The following RUVBL1 variants were observed in gnomAD, a reference collection of about 807,000 sequenced individuals.
RUVBL1 encodes the protein ruvB-like 1.
Under a neutral mutation model 52.4 loss-of-function variants are expected in RUVBL1, and 4 were observed. The observed-to-expected ratio is 0.08, with a 90% CI of 0.04 to 0.17. RUVBL1 has a LOEUF of 0.17. Ranked by LOEUF, RUVBL1 falls within the 10% of genes least tolerant of loss-of-function variation. RUVBL1 has a pLI of 1.00. For synonymous variants in RUVBL1, 217 were observed against 214.4 expected, an observed-to-expected ratio of 1.01 and a Z score of -0.10; for missense variants, 298 against 572.8, an observed-to-expected ratio of 0.52 and a Z score of 4.90.
In RUVBL1 at chr3:128,095,957, A is replaced by G. The variant is rs146640633; in HGVS notation, c.1016+1343T>C. On this transcript the variant is annotated intron_variant, in intron 8 of 10. Transcript: ENST00000322623. Reference sequence around the variant, plus strand: ...ATAATAAAGCTTCTCTATTAAAAGCAAACTAAAATCTTAGATAGGGCCCAC... The same window carrying G: ...ATAATAAAGCTTCTCTATTAAAAGCGAACTAAAATCTTAGATAGGGCCCAC... 2.1e-3 allele frequency among the ~76,000 whole-genome samples: 318 copies of G among 152,278 alleles called. 1 individual carries two copies. The highest frequency in any genetic ancestry group is 2.8e-3 in the Non-Finnish European group (193 of 68,020).
In RUVBL1 at chr3:128,123,698, A is replaced by G; in HGVS notation, c.27T>C (p.Thr9=). The G allele has an allele frequency of 6.2e-7, 1 of 1,610,760 alleles. No individual in the cohort carries two copies. The highest frequency in any genetic ancestry group is 1.3e-5 in the African/African-American group (1 of 75,006). Residue 9 remains threonine (T), a synonymous_variant, in exon 1 of 11, where the codon ACT becomes ACC. Coordinates refer to ENST00000322623, the MANE Select transcript of RUVBL1 (RefSeq NM_003707.3). MKIEEVKS[T]TKTQRIASHS... is the part of the protein sequence containing the mutation. ...GGGAGGCGATGCGCTGCGTCTTCGT[A>G]GTGCTCTTCACCTCCTCAATCTTCA...
chr3:128,130,612 A>ATTT (rs1943860683), intron 1 of RUVBL1, among the ~76,000 whole-genome samples: 1 of 128,398 alleles, frequency 7.8e-6, no homozygotes, highest in Non-Finnish European at 1.6e-5. Context: ...AAAAAAAAAA[A>ATTT]AATTTTATTT....
chr3:128,105,859 CTTTTTCT>C (rs1231863657), intron 3 of RUVBL1, among the ~76,000 whole-genome samples: 1 of 138,134 alleles, frequency 7.2e-6, no homozygotes, highest in African/African-American at 2.7e-5. Flanking sequence ...CTTTCTTTCC[CTTTTTCT>C]TTTTTTTTTT....
At chr3:128,099,993 C>G (rs1171757683) in intron 6 of RUVBL1, among the ~76,000 whole-genome samples, 1 of 152,192 alleles carries the variant, frequency 6.6e-6, no homozygotes, top group African/African-American at 2.4e-5. Flanking sequence ...TCAGTAATCT[C>G]TTGACCAAAG....
intron 1 of RUVBL1, among the ~76,000 whole-genome samples, chr3:128,146,940 G>T (rs1340717987): frequency 1.3e-5 from 2 of 152,228 alleles, no homozygotes; most frequent in Non-Finnish European, 2.9e-5. Flanking sequence ...AGGAGATAAA[G>T]GCTCACTCCA....
chr3:128,067,576 A>G lies in RUVBL1; in HGVS notation c.940-2356T>C. ...TGGGCTCCTGTGCATTCTTCTCCAA[A>G]ACGTGGATTGAGGTCTCAGGTTCCT... On this transcript the variant is annotated intron_variant, in intron 9 of 9. Coordinates refer to the RUVBL1 transcript ENST00000464873. This position sits in a 1 kb window ranked among gnomAD's most constrained non-coding sequence, Gnocchi z 4.1. The G allele has an allele frequency of 3.1e-6, 5 of 1,611,666 alleles. No homozygotes were observed. Among genetic ancestry groups the G allele is most frequent in the Non-Finnish European group, 4.2e-6 (5 of 1,179,246 alleles).
At chr3:128,126,782 T>G (rs1442702566), upstream of RUVBL1, among the ~76,000 whole-genome samples, 1 of 152,200 alleles carries the variant, frequency 6.6e-6, no homozygotes, top group Non-Finnish European at 1.5e-5. Flanking sequence ...AAACAGCAAG[T>G]GAGGCCTGCT....
chr3:128,115,470 C>T (rs1301744898), intron 2 of RUVBL1, among the ~76,000 whole-genome samples: 1 of 152,228 alleles, frequency 6.6e-6, no homozygotes, highest in Admixed American at 6.5e-5. Context: ...AGCAGTATTT[C>T]TGCCTGTCAC....
chr3:128,136,623 CAAAA>C (rs56097921), intron 1 of RUVBL1, among the ~76,000 whole-genome samples: 1 of 112,208 alleles, frequency 8.9e-6, no homozygotes. Flanking sequence ...GAGACCCTGT[CAAAA>C]AAAAAAAAAA....
intron 8 of RUVBL1, among the ~76,000 whole-genome samples, chr3:128,090,781 T>TA (rs1384658235): frequency 6.6e-6 from 1 of 152,222 alleles, no homozygotes; most frequent in Non-Finnish European, 1.5e-5. Flanking sequence ...CCATAAGTGT[T>TA]TTTTAAGTCT....
intron 4 of RUVBL1, among the ~76,000 whole-genome samples, chr3:128,103,591 T>C (rs1037877419): frequency 1.3e-5 from 2 of 152,144 alleles, no homozygotes; most frequent in Non-Finnish European, 2.9e-5. Context: ...AGTTTATAGA[T>C]GAGAAAACTG....
In RUVBL1 at chr3:128,067,661, A is replaced by AT. The variant is rs778524409; in HGVS notation, c.940-2442dup. The AT allele has an allele frequency of 1.4e-6, 2 of 1,439,282 alleles. No individual in the cohort carries two copies. Among genetic ancestry groups the AT allele is most frequent in the Non-Finnish European group, 1.9e-6 (2 of 1,038,064 alleles). 89.2% of individuals were successfully genotyped at this position (1,439,282 alleles called of 1,614,324 possible). A position where few individuals can be genotyped will look rare whatever the true frequency, so the allele number is the denominator to read the frequency against. ...GAAGGGTGATGAAAGTGTGACTGGT[A>AT]TAAGGGGTGTGGACTTGTCACCTCA... On this transcript the variant is annotated intron_variant, in intron 9 of 9. Transcript: ENST00000464873. This position sits in a 1 kb window ranked among gnomAD's most constrained non-coding sequence, Gnocchi z 4.1.
At chr3:128,076,681 G>A (rs1942335374), downstream of RUVBL1, among the ~76,000 whole-genome samples, 1 of 151,930 alleles carries the variant, frequency 6.6e-6, no homozygotes, top group Non-Finnish European at 1.5e-5. The surrounding 1 kb of genome is among the most constrained non-coding windows in gnomAD (Gnocchi z 6.8). Context: ...GTGTCACGGT[G>A]GCACCGGGAC....
chr3:128,101,614 T>C lies in RUVBL1; in HGVS notation c.548A>G (p.Glu183Gly). 1 of 1,614,026 alleles carries C rather than the reference T, an allele frequency of 6.2e-7. No homozygotes were observed. Among genetic ancestry groups the C allele is most frequent in the South Asian group, 1.1e-5 (1 of 91,082 alleles). ...AATCACATCTCCAGCTTCTACTCGC[T>C]CTTTCTGCAAACTTTCAAAAATGCT... ...DPSIFESLQK[E>G]RVEAGDVIYI... The change falls in exon 5 of 11, where the codon GAG (glutamate) becomes GGG (glycine). Residue 183 changes from glutamate to glycine, a missense_variant. By Grantham distance (98) the Glu-to-Gly change is moderately conservative (BLOSUM62 -2). Transcript: ENST00000322623.
At position 128,117,624 on chromosome 3, in the gene RUVBL1, T is replaced by G. The variant is rs190495143; in HGVS notation, c.228+1704A>C. Among the ~76,000 whole-genome samples, 603 of 151,964 alleles carry G rather than the reference T, an allele frequency of 4.0e-3. 10 individuals carry two copies. Among genetic ancestry groups the G allele is most frequent in the African/African-American group, 0.014 (581 of 41,484 alleles). On this transcript the variant is annotated intron_variant, in intron 2 of 10. Coordinates refer to ENST00000322623, the MANE Select transcript of RUVBL1 (RefSeq NM_003707.3). ...ACGCTGACAGTTTTTTTGTTTTTTTTTTTTTTGAGACGTAGTCTTGCTCTG... is the reference window on the plus strand; with the variant it reads ...ACGCTGACAGTTTTTTTGTTTTTTTGTTTTTTGAGACGTAGTCTTGCTCTG...
chr3:128,148,973 T>C lies in RUVBL1; in HGVS notation c.-40+4230A>G, dbSNP rs149786134. ...GAAAACTTTGAACATATCAAAAATG[T>C]AGACAGAATAATGAACCCCCAAGAC... On this transcript the variant is annotated intron_variant, in intron 1 of 9. Coordinates refer to the RUVBL1 transcript ENST00000464873. Among the ~76,000 whole-genome samples, 140 of 152,234 alleles carry C rather than the reference T, an allele frequency of 9.2e-4. 1 individual carries two copies. The highest frequency in any genetic ancestry group is 6.8e-3 in the Middle Eastern group (2 of 294).
intron 9 of RUVBL1, among the ~76,000 whole-genome samples, chr3:128,087,026 G>A (rs1942662811): frequency 6.6e-6 from 1 of 152,204 alleles, no homozygotes; most frequent in African/African-American, 2.4e-5. Flanking sequence ...CCTCCTTCAG[G>A]TGCTCTTCTA....
intron 9 of RUVBL1, chr3:128,069,871 A>T: frequency 1.8e-6 from 1 of 565,490 alleles, no homozygotes; most frequent in Non-Finnish European, 3.1e-6. Context: ...TGTGAAAGTG[A>T]AATTTTATTC....
exon 1 of RUVBL1, chr3:128,153,800 C>A (rs1472151984): frequency 3.2e-5 from 49 of 1,521,594 alleles, no homozygotes; most frequent in Non-Finnish European, 4.1e-5. Context: ...GGGCACGCCT[C>A]CCTCATCCGG....
Sources: gnomAD v4.1 joint callset for allele counts (sites outside exome capture counted in the v4.1 genomes callset) on GRCh38, gnomAD v4.1.1 for gene constraint, Gnocchi (gnomAD v3.1) non-coding constraint, MANE v1.5 for transcripts, NCBI Gene and HGNC (gene_info 2026-07-23, HGNC 2026-07-21) for gene names.